The following FHIP1A variants were observed in gnomAD, a reference collection of about 807,000 sequenced individuals.
FHIP1A encodes the protein FHF complex subunit HOOK interacting protein 1A, also known as FHF complex subunit HOOK-interacting protein 1A.
FHIP1A carries 61 observed loss-of-function variants against 88.6 expected under a neutral mutation model. The ratio of observed to expected loss-of-function variants is 0.69; its 90% confidence interval spans 0.56 to 0.85. The LOEUF (loss-of-function observed/expected upper bound fraction) is 0.85, where lower values mean the gene tolerates loss of function less well. Ranked by LOEUF, FHIP1A falls within the 40% of genes least tolerant of loss-of-function variation. The probability of loss-of-function intolerance (pLI) is 0.00; values close to 1 mark genes in which losing one functional copy is unlikely to be tolerated. For missense variants in FHIP1A, 1,154 were observed against 1,273.5 expected, an observed-to-expected ratio of 0.91 and a Z score of 1.43; for synonymous variants, 478 against 496.0, an observed-to-expected ratio of 0.96 and a Z score of 0.48.
In FHIP1A at chr4:151,477,468, G is replaced by GT. The variant is rs544612654; in HGVS notation, c.-247-5055dup. 3.0e-3 allele frequency among the ~76,000 whole-genome samples: 449 copies of GT among 152,138 alleles called. 2 individuals carry two copies. Among genetic ancestry groups the GT allele is most frequent in the African/African-American group, 0.01 (431 of 41,534 alleles). On this transcript the variant is annotated intron_variant, in intron 2 of 13. Coordinates refer to ENST00000435205, the MANE Select transcript of FHIP1A (RefSeq NM_001109977.3). ...GAGTATGTACATACGGCCCTTCTAA[G>GT]TAAGATAGAAAACTGAGAAGCCATA...
At chr4:151,539,380 AAG>A (rs1397832427) in intron 3 of FHIP1A, among the ~76,000 whole-genome samples, 2 of 151,894 alleles carry the variant, frequency 1.3e-5, no homozygotes, top group African/African-American at 4.8e-5. Flanking sequence ...TCAGGAGTTC[AAG>A]ACTAGCCTGG....
chr4:151,586,334 C>T (rs926855679), intron 5 of FHIP1A, among the ~76,000 whole-genome samples: 9 of 152,116 alleles, frequency 5.9e-5, no homozygotes, highest in African/African-American at 1.9e-4. Flanking sequence ...TTCATCTTTG[C>T]GTGTACTCCT....
intron 11 of FHIP1A, among the ~76,000 whole-genome samples, chr4:151,653,356 G>GTGTCTC (rs920469604): frequency 2.0e-5 from 3 of 148,854 alleles, no homozygotes; most frequent in Non-Finnish European, 3.0e-5. Flanking sequence ...CTGTGTGTGT[G>GTGTCTC]TCTCTCTCTC....
chr4:151,500,319 G>C (rs1191288466), intron 3 of FHIP1A, among the ~76,000 whole-genome samples: 1 of 150,852 alleles, frequency 6.6e-6, no homozygotes, highest in East Asian at 2.0e-4. Context: ...CTCAATAAAA[G>C]AAGGCAACTA....
chr4:151,418,479 T>C (rs1732983741), intron 1 of FHIP1A, among the ~76,000 whole-genome samples: 1 of 152,188 alleles, frequency 6.6e-6, no homozygotes, highest in African/African-American at 2.4e-5. Flanking sequence ...TGCCTCTTGA[T>C]TATGTCTTAG....
At chr4:151,654,576 C>T (rs996166144) in intron 11 of FHIP1A, among the ~76,000 whole-genome samples, 17 of 152,258 alleles carry the variant, frequency 1.1e-4, no homozygotes, top group African/African-American at 3.9e-4. Flanking sequence ...CCAGGGACTG[C>T]GGGGGAGCAG....
chr4:151,498,707 C>CG (rs1237138645), intron 3 of FHIP1A, among the ~76,000 whole-genome samples: 2 of 152,054 alleles, frequency 1.3e-5, no homozygotes, highest in Non-Finnish European at 2.9e-5. Context: ...CCCAGCTACT[C>CG]GGGAGGCTGA....
chr4:151,473,754 G>T (rs574447345), intron 2 of FHIP1A, among the ~76,000 whole-genome samples: 1 of 152,128 alleles, frequency 6.6e-6, no homozygotes, highest in Non-Finnish European at 1.5e-5. Context: ...AATGTTTCCA[G>T]TGTCCTGGAA....
chr4:151,558,386 A>G (rs892658088), intron 3 of FHIP1A, among the ~76,000 whole-genome samples: 2 of 152,060 alleles, frequency 1.3e-5, no homozygotes, highest in Non-Finnish European at 2.9e-5. Context: ...AAATACAAAA[A>G]TTAGCCAGGC....
intron 3 of FHIP1A, among the ~76,000 whole-genome samples, chr4:151,539,006 T>A (rs537516485): frequency 1.2e-4 from 19 of 152,334 alleles, no homozygotes; most frequent in Middle Eastern, 3.4e-3. Flanking sequence ...AAGGCCAGTA[T>A]TTTTTCTACC....
At chr4:151,546,969 C>T (rs1016662970) in intron 3 of FHIP1A, among the ~76,000 whole-genome samples, 1 of 152,140 alleles carries the variant, frequency 6.6e-6, no homozygotes, top group Non-Finnish European at 1.5e-5. Flanking sequence ...TCAGTTCCAG[C>T]AGCACCCGCC....
At chr4:151,428,181 C>G (rs1350871202) in intron 1 of FHIP1A, among the ~76,000 whole-genome samples, 2 of 152,100 alleles carry the variant, frequency 1.3e-5, no homozygotes, top group Non-Finnish European at 2.9e-5. Context: ...TTCAGGAACA[C>G]ACATTTTTAC....
At chr4:151,527,558 A>AGAGAGG (rs759730701) in intron 3 of FHIP1A, among the ~76,000 whole-genome samples, 7 of 151,996 alleles carry the variant, frequency 4.6e-5, no homozygotes, top group East Asian at 1.9e-4. Flanking sequence ...AGAGCGAGAG[A>AGAGAGG]GAGAGGGAGA....
intron 1 of FHIP1A, among the ~76,000 whole-genome samples, chr4:151,427,129 T>G (rs1005403874): frequency 6.6e-6 from 1 of 152,200 alleles, no homozygotes; most frequent in Non-Finnish European, 1.5e-5. Context: ...TTAATGATTT[T>G]TTTTTAAGGA....
intron 1 of FHIP1A, among the ~76,000 whole-genome samples, chr4:151,418,513 C>T (rs1239405075): frequency 6.6e-6 from 1 of 152,168 alleles, no homozygotes; most frequent in African/African-American, 2.4e-5. Context: ...GAGAAGTGGT[C>T]ATTCCTTCAC....
At chr4:151,582,535 A>G (rs1734063804) in intron 5 of FHIP1A, among the ~76,000 whole-genome samples, 1 of 152,136 alleles carries the variant, frequency 6.6e-6, no homozygotes, top group African/African-American at 2.4e-5. Flanking sequence ...TCAAAACTGC[A>G]TTTGTCTGAT....
intron 2 of FHIP1A, among the ~76,000 whole-genome samples, chr4:151,473,355 A>G (rs1239380860): frequency 6.6e-6 from 1 of 152,016 alleles, no homozygotes; most frequent in Non-Finnish European, 1.5e-5. Flanking sequence ...CTTTATTAAT[A>G]GTTAATGCTC....
At chr4:151,578,589 G>C (rs1733901484) in intron 5 of FHIP1A, among the ~76,000 whole-genome samples, 1 of 152,180 alleles carries the variant, frequency 6.6e-6, no homozygotes, top group African/African-American at 2.4e-5. Context: ...GGGCCACGCT[G>C]ACAACAACAA....
chr4:151,490,257 T>C (rs961050090), intron 3 of FHIP1A, among the ~76,000 whole-genome samples: 1 of 152,154 alleles, frequency 6.6e-6, no homozygotes, highest in African/African-American at 2.4e-5. Context: ...GAGTCCACTT[T>C]ACTCCCCTCC....
Sources: allele counts gnomAD v4.1 joint callset (sites outside exome capture counted in the v4.1 genomes callset), GRCh38; gene constraint gnomAD v4.1.1; transcripts MANE v1.5; gene names NCBI Gene and HGNC (gene_info 2026-07-23, HGNC 2026-07-21).